The following TOLLIP variants were observed in gnomAD, a reference collection of about 807,000 sequenced individuals.
TOLLIP encodes toll interacting protein, also known as toll-interacting protein.
A neutral mutation model predicts 33.5 loss-of-function variants in TOLLIP; 16 were observed. The ratio of observed to expected loss-of-function variants is 0.48; its 90% CI spans 0.32 to 0.72. TOLLIP has a LOEUF of 0.72. TOLLIP is among the 30% of genes least tolerant of loss of function. The pLI, the probability that TOLLIP is intolerant of heterozygous loss-of-function variation, is 0.03. For missense variants in TOLLIP, 325 were observed against 396.6 expected (o/e 0.82, Z 1.53); for synonymous variants, 176 against 163.7 (o/e 1.07, Z -0.57).
At chr11:1,291,375 C>T (rs369809819) in intron 2 of TOLLIP, among the ~76,000 whole-genome samples, 21 of 152,188 alleles carry the variant, frequency 1.4e-4, no homozygotes, top group African/African-American at 5.1e-4. Flanking sequence ...CCCCGGGAGC[C>T]ATCCCGGCCC....
chr11:1,293,964 T>C (rs933858574), intron 2 of TOLLIP, among the ~76,000 whole-genome samples: 1 of 152,270 alleles, frequency 6.6e-6, no homozygotes, highest in African/African-American at 2.4e-5. Flanking sequence ...ACGGTGTAGC[T>C]GTGCTCACCA....
Position 1,290,125 on chromosome 11 carries a change from C to T in TOLLIP, c.366+102G>A. The T allele has an allele frequency of 7.7e-7, 1 of 1,298,010 alleles. No individual in the cohort carries two copies. The highest frequency in any genetic ancestry group is 1.4e-5 in the South Asian group (1 of 72,036). The allele number at this position is 1,298,010 out of a possible 1,614,324, so 80.4% of individuals were successfully genotyped here. A position where few individuals can be genotyped will look rare whatever the true frequency, so the allele number is the denominator to read the frequency against. ...TGAAACACCAGGTGGGGAGCCACGC[C>T]TCGAAGCCAGCCAGGAACGTGGCTG... is the stretch of plus-strand genomic sequence containing the variant. On this transcript the variant is annotated intron_variant, in intron 3 of 5. Transcript: ENST00000317204. This position sits in a 1 kb window ranked among gnomAD's most constrained non-coding sequence, Gnocchi z 4.9.
intron 1 of TOLLIP, among the ~76,000 whole-genome samples, chr11:1,299,836 C>T (rs867211740): frequency 2.0e-5 from 3 of 152,240 alleles, no homozygotes; most frequent in African/African-American, 7.2e-5. Flanking sequence ...CCCCGTCCAC[C>T]AGCCAGGCAC....
rs1863316734 is a variant in TOLLIP, at chr11:1,276,755, T to A, written c.*284A>T. The A allele has an allele frequency of 2.7e-6, 4 of 1,486,492 alleles. No individual in the cohort carries two copies. Among genetic ancestry groups the A allele is most frequent in the Non-Finnish European group, 3.6e-6 (4 of 1,115,136 alleles). 92.1% of individuals were successfully genotyped at this position (1,486,492 alleles called of 1,614,324 possible). On this transcript the variant is annotated 3_prime_UTR_variant, in exon 6 of 6. Transcript: ENST00000317204. ...GCTGCTCTCTACAGCAAGAGCATTT[T>A]CCAGAACGGCATGAGAAGGAGAGAC... is the stretch of plus-strand genomic sequence containing the variant.
Position 1,309,529 on chromosome 11 carries a change from C to T in TOLLIP, c.-31G>A. Reference sequence around the variant, plus strand: ...TGCGGCGGCCCCCGTGGCTCGCCGACCCGACAGTGACGCGCCGGGCGACCT... The same window carrying T: ...TGCGGCGGCCCCCGTGGCTCGCCGATCCGACAGTGACGCGCCGGGCGACCT... On this transcript the variant is annotated 5_prime_UTR_variant, in exon 1 of 6. Transcript: ENST00000317204. 1 of 1,286,630 alleles carries T rather than the reference C, an allele frequency of 7.8e-7. No individual in the cohort carries two copies. Among genetic ancestry groups the T allele is most frequent in the Non-Finnish European group, 9.9e-7 (1 of 1,008,238 alleles). 79.7% of individuals were successfully genotyped at this position (1,286,630 alleles called of 1,614,324 possible).
At position 1,276,973 on chromosome 11, in the gene TOLLIP, T is replaced by A; in HGVS notation, c.*66A>T. On this transcript the variant is annotated 3_prime_UTR_variant, in exon 6 of 6. Transcript: ENST00000317204. ...TCACGGGAATCTTGTTGGGACAGCA[T>A]TCCTTGGGGAGCGCCGGGTCGGCGT... The A allele has an allele frequency of 6.3e-7, 1 of 1,593,050 alleles. No homozygotes were observed.
chr11:1,277,146 T>C lies in TOLLIP; in HGVS notation c.718A>G (p.Met240Val). Residue 240 changes from methionine to valine, a missense_variant, in exon 6 of 6, where the codon ATG becomes GTG. Coordinates refer to ENST00000317204, the MANE Select transcript of TOLLIP (RefSeq NM_019009.4). The surrounding 1 kb of genome is among the most constrained non-coding windows in gnomAD (Gnocchi z 4.2). ...ACCTCCTGGTCCATGTTGGGGAACATGTCCTGGATGGCTTTCAGGTCCTCC... is the reference window on the plus strand; with the variant it reads ...ACCTCCTGGTCCATGTTGGGGAACACGTCCTGGATGGCTTTCAGGTCCTCC... Reference protein sequence around the residue: ...SEEDLKAIQDMFPNMDQEVIR... With the variant: ...SEEDLKAIQDVFPNMDQEVIR... 6 of 1,613,636 alleles carry C rather than the reference T, an allele frequency of 3.7e-6. No homozygotes were observed. The highest frequency in any genetic ancestry group is 5.1e-6 in the Non-Finnish European group (6 of 1,179,594).
At chr11:1,279,261 CG>C (rs961476680) in intron 5 of TOLLIP, among the ~76,000 whole-genome samples, 1 of 152,228 alleles carries the variant, frequency 6.6e-6, no homozygotes, top group African/African-American at 2.4e-5. Context: ...CAGGCACCCC[CG>C]GGGGAAGAGG....
At chr11:1,283,696 C>A in intron 5 of TOLLIP, 1 of 404,068 alleles carries the variant, frequency 2.5e-6, no homozygotes, top group South Asian at 1.8e-5. Context: ...GGGATAGGAA[C>A]CAGAAAGAGG....
At chr11:1,281,042 G>A (rs1394868942) in intron 5 of TOLLIP, among the ~76,000 whole-genome samples, 1 of 152,226 alleles carries the variant, frequency 6.6e-6, no homozygotes, top group Non-Finnish European at 1.5e-5. Flanking sequence ...TGCTTCATGA[G>A]GCCACGCGGT....
chr11:1,280,113 C>T (rs181565656), intron 5 of TOLLIP, among the ~76,000 whole-genome samples: 2 of 152,370 alleles, frequency 1.3e-5, no homozygotes, highest in African/African-American at 2.4e-5. Flanking sequence ...GATAGTTTGT[C>T]TCGGAAACTT....
At chr11:1,308,766 C>T (rs1280387264) in intron 1 of TOLLIP, among the ~76,000 whole-genome samples, 1 of 152,014 alleles carries the variant, frequency 6.6e-6, no homozygotes, top group Non-Finnish European at 1.5e-5. Context: ...GTGGTCACCA[C>T]TGCCCTCACT....
At chr11:1,288,540 A>G in intron 4 of TOLLIP, 84 bp downstream of exon 4, 1 of 1,471,782 alleles carries the variant, frequency 6.8e-7, no homozygotes, top group Non-Finnish European at 9.1e-7. Context: ...CAGGAAAGAG[A>G]CAAGGGTGTC....
At chr11:1,281,109 T>A (rs1863484210) in intron 5 of TOLLIP, among the ~76,000 whole-genome samples, 1 of 152,218 alleles carries the variant, frequency 6.6e-6, no homozygotes, top group Admixed American at 6.5e-5. Flanking sequence ...AAACCCCCTA[T>A]AACCACATGA....
At chr11:1,289,068 T>C (rs891443200) in intron 3 of TOLLIP, among the ~76,000 whole-genome samples, 1 of 152,180 alleles carries the variant, frequency 6.6e-6, no homozygotes, top group Non-Finnish European at 1.5e-5. Flanking sequence ...CCTCCTTCAG[T>C]TCCACTTCAG....
At chr11:1,304,322 G>A (rs1358106462) in intron 1 of TOLLIP, among the ~76,000 whole-genome samples, 1 of 152,162 alleles carries the variant, frequency 6.6e-6, no homozygotes, top group Non-Finnish European at 1.5e-5. Context: ...GAAAAGGCAT[G>A]TACAAGCAAA....
At chr11:1,287,238 A>G (rs1480549894) in intron 4 of TOLLIP, among the ~76,000 whole-genome samples, 1 of 152,196 alleles carries the variant, frequency 6.6e-6, no homozygotes, top group Non-Finnish European at 1.5e-5. Flanking sequence ...GAGCGTCATG[A>G]TGGTTCTGTG....
At chr11:1,286,239 G>T (rs917948241) in intron 4 of TOLLIP, 147 bp from the exon 5 acceptor site, 8 of 635,126 alleles carry the variant, frequency 1.3e-5, no homozygotes. Flanking sequence ...CGCTACACGA[G>T]CCCTGAGTGC....
chr11:1,281,115 CATG>C (rs1371493439), intron 5 of TOLLIP, among the ~76,000 whole-genome samples: 1 of 152,234 alleles, frequency 6.6e-6, no homozygotes, highest in African/African-American at 2.4e-5. Flanking sequence ...CCTATAACCA[CATG>C]ATGCCTACCA....
Sources: allele counts gnomAD v4.1 joint callset (sites outside exome capture counted in the v4.1 genomes callset), GRCh38; gene constraint gnomAD v4.1.1; non-coding constraint Gnocchi (gnomAD v3.1); transcripts MANE v1.5; gene names NCBI Gene and HGNC (gene_info 2026-07-23, HGNC 2026-07-21).